The following SND1 variants were observed in gnomAD, a reference collection of about 807,000 sequenced individuals.
SND1 encodes the protein staphylococcal nuclease and tudor domain containing 1, also known as staphylococcal nuclease domain-containing protein 1.
In SND1, 38 loss-of-function variants were observed where a neutral mutation model predicts 121.7. The ratio of observed to expected loss-of-function variants is 0.31; its 90% confidence interval spans 0.24 to 0.41. The LOEUF is 0.41. Among genes scored for constraint, SND1 ranks in the 10% least tolerant of loss-of-function variants. The pLI, the probability that SND1 is intolerant of heterozygous loss-of-function variation, is 1.00. For missense variants in SND1, 868 were observed against 1,184.6 expected (o/e 0.73, Z 3.92); for synonymous variants, 401 against 447.4 (o/e 0.90, Z 1.31).
At chr7:127,698,138 G>T (rs1291578481) in intron 3 of SND1, among the ~76,000 whole-genome samples, 3 of 152,122 alleles carry the variant, frequency 2.0e-5, no homozygotes, top group Non-Finnish European at 4.4e-5. Context: ...TGGCTGCTTT[G>T]TGAGAGATGA....
At chr7:127,857,792 C>CCT (rs1799308966) in intron 12 of SND1, 2 of 714,926 alleles carry the variant, frequency 2.8e-6, no homozygotes, top group Admixed American at 4.2e-5. Flanking sequence ...GACACTTGGA[C>CCT]CTCCTCCACA....
At chr7:127,988,112 G>T (rs1247589018) in intron 15 of SND1, among the ~76,000 whole-genome samples, 1 of 152,180 alleles carries the variant, frequency 6.6e-6, no homozygotes, top group Non-Finnish European at 1.5e-5. Context: ...CCATATGTAA[G>T]TGTGTATGTT....
chr7:127,995,001 C>T (rs1227825955), intron 16 of SND1, among the ~76,000 whole-genome samples: 4 of 152,132 alleles, frequency 2.6e-5, no homozygotes, highest in Non-Finnish European at 4.4e-5. Context: ...GGATTACAGG[C>T]ATGAGCCAAC....
At chr7:127,952,635 T>C (rs1402838497) in intron 15 of SND1, among the ~76,000 whole-genome samples, 1 of 152,224 alleles carries the variant, frequency 6.6e-6, no homozygotes, top group Non-Finnish European at 1.5e-5. Context: ...GGCTGTTTGC[T>C]TTAGCTTTCT....
intron 21 of SND1, among the ~76,000 whole-genome samples, chr7:128,088,566 C>G (rs945620340): frequency 6.6e-6 from 1 of 151,236 alleles, no homozygotes; most frequent in Non-Finnish European, 1.5e-5. Context: ...GATTCTCCCA[C>G]CTCAGCCTTC....
chr7:128,022,316 G>A (rs1042471700), intron 16 of SND1, among the ~76,000 whole-genome samples: 1 of 151,580 alleles, frequency 6.6e-6, no homozygotes, highest in Admixed American at 6.6e-5. Flanking sequence ...AATTACTCTA[G>A]TAATGTTCCT....
rs544977215 is a variant in SND1 at position 127,788,819 on chromosome 7, T to A, written c.1153-18665T>A. Among the ~76,000 whole-genome samples, 5 of 152,320 alleles carry A rather than the reference T, an allele frequency of 3.3e-5. No individual in the cohort carries two copies. In the South Asian group the frequency reaches 1.0e-3, roughly 32 times the overall value. ...ACCTGCCCACTTCTTATTTCTTAAA[T>A]GGGCCATACTTTTGCACATGTCCGT... On this transcript the variant is annotated intron_variant, in intron 10 of 23. Coordinates refer to ENST00000354725, the MANE Select transcript of SND1 (RefSeq NM_014390.4).
At chr7:127,994,411 C>G (rs766561809) in intron 16 of SND1, among the ~76,000 whole-genome samples, 69 of 151,910 alleles carry the variant, frequency 4.5e-4, no homozygotes, top group Non-Finnish European at 8.8e-4. Flanking sequence ...AATTCCAACT[C>G]AGTGGTCTGG....
chr7:127,784,898 A>G (rs1269494549), intron 10 of SND1, among the ~76,000 whole-genome samples: 2 of 152,174 alleles, frequency 1.3e-5, no homozygotes, highest in Admixed American at 6.5e-5. Flanking sequence ...GGCTGGCTTA[A>G]AGGAATGTTT....
intron 12 of SND1, among the ~76,000 whole-genome samples, chr7:127,869,414 G>A (rs914321511): frequency 6.6e-6 from 1 of 152,130 alleles, no homozygotes; most frequent in Non-Finnish European, 1.5e-5. Context: ...GTAGAGGGAT[G>A]GTGACAAGTT....
At chr7:127,760,243 T>C (rs1393638016) in intron 10 of SND1, among the ~76,000 whole-genome samples, 1 of 152,144 alleles carries the variant, frequency 6.6e-6, no homozygotes, top group African/African-American at 2.4e-5. Flanking sequence ...AGAGACCGGA[T>C]GAGGAATGGA....
chr7:127,929,840 C>T (rs1800924236), intron 15 of SND1, among the ~76,000 whole-genome samples: 1 of 152,194 alleles, frequency 6.6e-6, no homozygotes, highest in South Asian at 2.1e-4. Flanking sequence ...ACACGCTCTT[C>T]CCACATCGAT....
At chr7:127,981,077 C>T (rs1041971594) in intron 15 of SND1, among the ~76,000 whole-genome samples, 4 of 152,232 alleles carry the variant, frequency 2.6e-5, no homozygotes, top group African/African-American at 7.2e-5. Context: ...CTTGCTCAGA[C>T]GTAGCATTTG....
intron 7 of SND1, among the ~76,000 whole-genome samples, chr7:127,704,625 C>T (rs1227460769): frequency 6.6e-6 from 1 of 152,130 alleles, no homozygotes. Context: ...TGTGGGGATA[C>T]GAAGCCAAGG....
intron 16 of SND1, among the ~76,000 whole-genome samples, chr7:128,034,420 C>T (rs1242022038): frequency 6.6e-6 from 1 of 152,166 alleles, no homozygotes; most frequent in Non-Finnish European, 1.5e-5. Flanking sequence ...CTAGTAGAGT[C>T]ATCTATTGCC....
At chr7:127,827,451 A>C (rs1429147118) in intron 11 of SND1, among the ~76,000 whole-genome samples, 2 of 152,192 alleles carry the variant, frequency 1.3e-5, no homozygotes, top group Admixed American at 6.5e-5. Flanking sequence ...CTTTCAAAAT[A>C]CCCCTTTTCA....
intron 10 of SND1, among the ~76,000 whole-genome samples, chr7:127,773,738 T>C (rs936124790): frequency 1.3e-5 from 2 of 152,220 alleles, no homozygotes; most frequent in African/African-American, 2.4e-5. Context: ...AGAAGAGATC[T>C]TAAAATTCTA....
chr7:128,040,275 TA>T (rs766204900), intron 16 of SND1, among the ~76,000 whole-genome samples: 107 of 144,138 alleles, frequency 7.4e-4, no homozygotes, highest in African/African-American at 6.6e-4. Flanking sequence ...CACAGAAATT[TA>T]AAAAAAAAAA....
chr7:127,744,892 G>A (rs1296422353), intron 10 of SND1, among the ~76,000 whole-genome samples: 2 of 152,174 alleles, frequency 1.3e-5, no homozygotes, highest in Non-Finnish European at 2.9e-5. Flanking sequence ...AGATGAACAC[G>A]ACTGCAACTG....
Sources: gnomAD v4.1 joint callset for allele counts (sites outside exome capture counted in the v4.1 genomes callset) on GRCh38, gnomAD v4.1.1 for gene constraint, MANE v1.5 for transcripts, NCBI Gene and HGNC (gene_info 2026-07-23, HGNC 2026-07-21) for gene names.